Variants in PAPPA observed in about 807,000 individuals in gnomAD.
The protein encoded by PAPPA is pappalysin-1.
PAPPA carries 60 observed loss-of-function variants against 164.0 expected under a neutral mutation model. That is an observed-to-expected ratio of 0.37 (90% CI 0.30 to 0.45). PAPPA has a LOEUF of 0.45. Among genes scored for constraint, PAPPA ranks in the 20% least tolerant of loss-of-function variants. The probability of loss-of-function intolerance (pLI) is 1.00; values close to 1 mark genes in which losing one functional copy is unlikely to be tolerated. For synonymous variants in PAPPA, 875 were observed against 814.1 expected (o/e 1.07, Z -1.27); for missense variants, 1,782 against 2,087.3 (o/e 0.85, Z 2.85).
At chr9:116,322,435 A>AGCTGGTG (rs1447471340) in intron 10 of PAPPA, among the ~76,000 whole-genome samples, 1 of 144,086 alleles carries the variant, frequency 6.9e-6, no homozygotes, top group African/African-American at 2.5e-5. Context: ...AAAAAAAAAG[A>AGCTGGTG]GCTGGTGCCC....
intron 10 of PAPPA, among the ~76,000 whole-genome samples, chr9:116,309,702 T>C (rs924754760): frequency 6.6e-6 from 1 of 151,484 alleles, no homozygotes; most frequent in Non-Finnish European, 1.5e-5. Flanking sequence ...AAAAGGTAAA[T>C]AATAGATGAA....
At position 116,335,093 on chromosome 9, in the gene PAPPA, A is replaced by C. The variant is rs1157588102; in HGVS notation, c.3611+19A>C. The C allele has an allele frequency of 6.3e-7, 1 of 1,599,024 alleles. No homozygotes were observed. The highest frequency in any genetic ancestry group is 2.2e-5 in the East Asian group (1 of 44,770). Reference sequence around the variant, plus strand: ...AGCAGAGGTAAGGGATCCGCGGCAGACTCGCCCTAGGCCACTTGTAGCCGA... The same window carrying C: ...AGCAGAGGTAAGGGATCCGCGGCAGCCTCGCCCTAGGCCACTTGTAGCCGA... On this transcript the variant is annotated intron_variant, in intron 13 of 21. Coordinates refer to ENST00000328252, the MANE Select transcript of PAPPA (RefSeq NM_002581.5).
At chr9:116,279,811 A>G (rs1292286382) in intron 9 of PAPPA, among the ~76,000 whole-genome samples, 1 of 152,218 alleles carries the variant, frequency 6.6e-6, no homozygotes, top group African/African-American at 2.4e-5. Flanking sequence ...GCTGGGTATC[A>G]GGGCCTTTTC....
intron 9 of PAPPA, among the ~76,000 whole-genome samples, chr9:116,285,167 CTTTCTTTT>C (rs1564210350): frequency 2.2e-5 from 2 of 90,098 alleles, no homozygotes; most frequent in Non-Finnish European, 4.5e-5. Context: ...TCTTTTCTTT[CTTTCTTTT>C]TTTTTTTTTT....
chr9:116,173,903 G>A (rs942979353), intron 1 of PAPPA, among the ~76,000 whole-genome samples: 1 of 152,140 alleles, frequency 6.6e-6, no homozygotes, highest in African/African-American at 2.4e-5. Context: ...ATTAAAAGCA[G>A]CCCCTTGTCC....
Position 116,194,641 on chromosome 9 carries a change from G to A in PAPPA, c.1478+6425G>A, listed in dbSNP as rs557326358. Among the ~76,000 whole-genome samples, 6 of 152,240 alleles carry A rather than the reference G, an allele frequency of 3.9e-5. No individual in the cohort carries two copies. In the East Asian group the frequency reaches 7.7e-4, roughly 20 times the overall value. On this transcript the variant is annotated intron_variant, in intron 2 of 21. Transcript: ENST00000328252. ...GCTGGTTTCTCATCTGTAATAATTG[G>A]GTGATAGCAGCTATCCTGTGGCATG...
rs547066171 is a variant in PAPPA, at chr9:116,353,253, G to A, written c.4175+337G>A. ...ATGAAGAACAAATGAAGATGTGCATGTAAAGTGCTCACAAAATGCTTTGCA... is the reference window on the plus strand; with the variant it reads ...ATGAAGAACAAATGAAGATGTGCATATAAAGTGCTCACAAAATGCTTTGCA... On this transcript the variant is annotated intron_variant, in intron 16 of 21. Transcript: ENST00000328252. Among the ~76,000 whole-genome samples, 8 of 152,230 alleles carry A rather than the reference G, an allele frequency of 5.3e-5. No homozygotes were observed. In the East Asian group the frequency reaches 5.8e-4, roughly 11 times the overall value.
At chr9:116,354,499 G>A (rs1397501340) in intron 17 of PAPPA, among the ~76,000 whole-genome samples, 1 of 152,166 alleles carries the variant, frequency 6.6e-6, no homozygotes, top group Non-Finnish European at 1.5e-5. Context: ...TCAGCCAGGT[G>A]GGGATAGATT....
At chr9:116,176,360 T>A (rs1843834997) in intron 1 of PAPPA, among the ~76,000 whole-genome samples, 2 of 152,220 alleles carry the variant, frequency 1.3e-5, no homozygotes, top group South Asian at 4.1e-4. Flanking sequence ...ATGAATCTGG[T>A]GATGCTTCAC....
chr9:116,154,265 C>T lies in PAPPA; in HGVS notation c.93C>T (p.Asp31=). 2 of 1,121,308 alleles carry T rather than the reference C, an allele frequency of 1.8e-6. No homozygotes were observed. Among genetic ancestry groups the T allele is most frequent in the Non-Finnish European group, 2.2e-6 (2 of 918,052 alleles). The allele number at this position is 1,121,308 out of a possible 1,614,324, so 69.5% of individuals were successfully genotyped here. ...LAERPRRARR[D]PRAGRPPRPA... The stretch of plus-strand genomic sequence containing the variant: ...AGCGTCCCCGCCGGGCCCGGAGAGA[C>T]CCGCGGGCCGGCCGACCCCCGCGCC... The change falls in exon 1 of 22, where the codon GAC becomes GAT. Residue 31 remains aspartate (D), a synonymous_variant. Coordinates refer to ENST00000328252, the MANE Select transcript of PAPPA (RefSeq NM_002581.5). The surrounding 1 kb of genome is among the most constrained non-coding windows in gnomAD (Gnocchi z 5.2).
chr9:116,362,650 A>G lies in PAPPA; in HGVS notation c.4406A>G (p.His1469Arg), dbSNP rs764895013. 1.2e-6 allele frequency: 2 copies of G among 1,614,002 alleles called. No individual in the cohort carries two copies. Among genetic ancestry groups the G allele is most frequent in the East Asian group, 2.2e-5 (1 of 44,884 alleles). The change falls in exon 18 of 22, where the codon CAT becomes CGT. Residue 1469 changes from histidine (H) to arginine (R), a missense_variant. By Grantham distance (29) the His-to-Arg change is conservative. This residue lies in a region of PAPPA where 1,324 missense variants were observed against 1,656.9 expected (regional missense o/e 0.80). Transcript: ENST00000328252. Reference protein sequence around the residue: ...RKDGTWNGSFHVCQEMQGQCS... With the variant: ...RKDGTWNGSFRVCQEMQGQCS... ...GATGGCACCTGGAACGGCTCCTTCC[A>G]TGTCTGCCAGGAGATGCAAGGCCAG...
At chr9:116,210,019 T>C (rs760894659) in intron 3 of PAPPA, among the ~76,000 whole-genome samples, 41 of 152,060 alleles carry the variant, frequency 2.7e-4, no homozygotes, top group Non-Finnish European at 4.4e-4. Flanking sequence ...ACCATATTTT[T>C]CCCCTCTTTT....
chr9:116,174,261 T>C (rs1843807014), intron 1 of PAPPA, among the ~76,000 whole-genome samples: 1 of 152,156 alleles, frequency 6.6e-6, no homozygotes, highest in Admixed American at 6.5e-5. Context: ...AAAGTGGAGA[T>C]CTGCCTGTCT....
At chr9:116,226,937 TA>T (rs1564190932) in intron 5 of PAPPA, among the ~76,000 whole-genome samples, 1 of 152,250 alleles carries the variant, frequency 6.6e-6, no homozygotes, top group African/African-American at 2.4e-5. Context: ...AGGCATCATT[TA>T]ATCCAGCCCT....
At chr9:116,285,055 T>G (rs943370986) in intron 9 of PAPPA, among the ~76,000 whole-genome samples, 13 of 152,152 alleles carry the variant, frequency 8.5e-5, no homozygotes, top group African/African-American at 3.1e-4. Context: ...ATGTTGCCCT[T>G]GAGATAAATT....
intron 6 of PAPPA, among the ~76,000 whole-genome samples, chr9:116,230,642 C>T (rs1421464239): frequency 6.6e-6 from 1 of 152,158 alleles, no homozygotes; most frequent in East Asian, 1.9e-4. Context: ...TTTAACAAAT[C>T]TTTATTGGAA....
chr9:116,187,574 C>G lies in PAPPA; in HGVS notation c.836C>G (p.Thr279Ser), dbSNP rs776051066. 6.2e-7 allele frequency: 1 copy of G among 1,614,226 alleles called. No individual in the cohort carries two copies. The highest frequency in any genetic ancestry group is 1.1e-5 in the South Asian group (1 of 91,090). The change falls in exon 2 of 22, where the codon ACT becomes AGT. Residue 279 changes from threonine (T) to serine (S), a missense_variant. Physicochemically the swap from Thr to Ser is moderately conservative, Grantham distance 58. Transcript: ENST00000328252. The surrounding 1 kb of genome is among the most constrained non-coding windows in gnomAD (Gnocchi z 4.2). ...GACATGGAAACCCATGGCGCCCACA[C>G]TGCTCTACCTCAGCTCCTCCTCCAG... ...LSDMETHGAH[T>S]ALPQLLLQEN...
At chr9:116,158,811 G>A (rs115510418) in intron 1 of PAPPA, among the ~76,000 whole-genome samples, 61 of 152,202 alleles carry the variant, frequency 4.0e-4, no homozygotes, top group African/African-American at 1.3e-3. Context: ...GTGTATCGTC[G>A]CCTGTACTTC....
In PAPPA at chr9:116,187,239, C is replaced by T. The variant is rs774898376; in HGVS notation, c.501C>T (p.Asp167=). Reference sequence around the variant, plus strand: ...CCATCAGTGACCAAGACAACAAAGACCCACGCTACTTTTTCTCCTTGAAGA... The same window carrying T: ...CCATCAGTGACCAAGACAACAAAGATCCACGCTACTTTTTCTCCTTGAAGA... ...IHTISDQDNK[D]PRYFFSLKTD... The change falls in exon 2 of 22, where the codon GAC becomes GAT. Residue 167 remains aspartate, a synonymous_variant. Transcript: ENST00000328252. The surrounding 1 kb of genome is among the most constrained non-coding windows in gnomAD (Gnocchi z 4.2). 3 of 1,614,108 alleles carry T rather than the reference C, an allele frequency of 1.9e-6. No individual in the cohort carries two copies. The highest frequency in any genetic ancestry group is 1.7e-5 in the Admixed American group (1 of 60,006).
Sources: allele counts gnomAD v4.1 joint callset (sites outside exome capture counted in the v4.1 genomes callset), GRCh38; gene constraint gnomAD v4.1.1; regional missense constraint gnomAD v4.1.1; non-coding constraint Gnocchi (gnomAD v3.1); transcripts MANE v1.5; gene names NCBI Gene and HGNC (gene_info 2026-07-23, HGNC 2026-07-21).